The following ITPKB variants were observed in gnomAD, a reference collection of about 807,000 sequenced individuals.
The protein encoded by ITPKB is IP3 3-kinase B.
Under a neutral mutation model 69.4 loss-of-function variants are expected in ITPKB, and 13 were observed. That is an observed-to-expected ratio of 0.19 (90% confidence interval 0.12 to 0.30). ITPKB has a LOEUF of 0.30. Ranked by LOEUF, ITPKB falls within the 10% of genes least tolerant of loss-of-function variation. The pLI is 1.00. For synonymous variants in ITPKB, 584 were observed against 513.7 expected, an observed-to-expected ratio of 1.14 and a Z score of -1.85; for missense variants, 1,240 against 1,250.5, an observed-to-expected ratio of 0.99 and a Z score of 0.13.
At chr1:226,734,632 G>C (rs1006516955) in intron 2 of ITPKB, among the ~76,000 whole-genome samples, 1 of 152,194 alleles carries the variant, frequency 6.6e-6, no homozygotes, top group Non-Finnish European at 1.5e-5. Context: ...TATGTCTTCT[G>C]TAAGATACTC....
chr1:226,657,732 T>C (rs1370177285), intron 2 of ITPKB, among the ~76,000 whole-genome samples: 1 of 152,192 alleles, frequency 6.6e-6, no homozygotes, highest in Non-Finnish European at 1.5e-5. Context: ...TGAGAGGGGT[T>C]TAGTAACTTG....
intron 2 of ITPKB, chr1:226,657,022 G>A (rs1033946561): frequency 6.6e-6 from 1 of 152,224 alleles, no homozygotes; most frequent in African/African-American, 2.4e-5. Flanking sequence ...CACTTTCAGA[G>A]GGCCTGATCG....
rs374593738 is a variant in ITPKB at position 226,736,261 on chromosome 1, C to A, written c.1198G>T (p.Val400Leu). The change falls in exon 2 of 8, where the codon GTG becomes TTG. Residue 400 changes from valine (V) to leucine (L), a missense_variant. This residue lies in a region of ITPKB where 992 missense variants were observed against 853.8 expected (regional missense o/e 1.16). Coordinates refer to ENST00000429204, the MANE Select transcript of ITPKB (RefSeq NM_002221.4). The stretch of plus-strand genomic sequence containing the variant: ...GAATCAGAGGACTCTGCGCTTTGCA[C>A]GCTCACAGTCGTCTCCTCTGGCCTT... ...GKRPEETTVS[V>L]QSAESSDSLS... The A allele has an allele frequency of 6.4e-7, 1 of 1,571,604 alleles. No homozygotes were observed. Among genetic ancestry groups the A allele is most frequent in the Middle Eastern group, 1.7e-4 (1 of 5,812 alleles).
Position 226,736,172 on chromosome 1 carries a change from C to T in ITPKB, c.1287G>A (p.Gly429=), listed in dbSNP as rs1558102213. 1 of 1,551,166 alleles carries T rather than the reference C, an allele frequency of 6.4e-7. No individual in the cohort carries two copies. The highest frequency in any genetic ancestry group is 8.7e-7 in the Non-Finnish European group (1 of 1,149,358). ...GCCAACGCCCCCCGCCCACGGGGGC[C>T]CCACTTCGGGCCTCCTCAGGGCCTA... is the stretch of plus-strand genomic sequence containing the variant. ...ASVGPEEARS[G]APVGGGRWQL... is the part of the protein sequence containing the mutation. Residue 429 remains glycine, a synonymous_variant, in exon 2 of 8, where the codon GGG becomes GGA. Transcript: ENST00000429204.
At chr1:226,658,127 T>A (rs1669331152) in intron 2 of ITPKB, among the ~76,000 whole-genome samples, 1 of 152,244 alleles carries the variant, frequency 6.6e-6, no homozygotes, top group Non-Finnish European at 1.5e-5. Flanking sequence ...GTTTTCCATG[T>A]TTGGAAAAAA....
intron 4 of ITPKB, among the ~76,000 whole-genome samples, chr1:226,644,517 T>A (rs1347742835): frequency 1.3e-5 from 2 of 152,162 alleles, no homozygotes; most frequent in Non-Finnish European, 2.9e-5. Flanking sequence ...CTGGTCCCAA[T>A]GTCAGGAAGA....
At position 226,634,249 on chromosome 1, in the gene ITPKB, C is replaced by G. The variant is rs565342168; in HGVS notation, c.*422G>C. On this transcript the variant is annotated 3_prime_UTR_variant, in exon 8 of 8. Coordinates refer to ENST00000429204, the MANE Select transcript of ITPKB (RefSeq NM_002221.4). This position sits in a 1 kb window ranked among gnomAD's most constrained non-coding sequence, Gnocchi z 6.3. ...CCTGGGCTCTCCGGTGGGGAGGCCC[C>G]GGCAGAAATAAGGCTGTGCTTGGCA... is the stretch of plus-strand genomic sequence containing the variant. 3 of 158,772 alleles carry G rather than the reference C, an allele frequency of 1.9e-5. No homozygotes were observed. Among genetic ancestry groups the G allele is most frequent in the African/African-American group, 7.2e-5 (3 of 41,584 alleles). 9.8% of individuals were successfully genotyped at this position (158,772 alleles called of 1,614,324 possible).
intron 2 of ITPKB, among the ~76,000 whole-genome samples, chr1:226,697,752 G>A (rs1656528299): frequency 6.6e-6 from 1 of 152,230 alleles, no homozygotes; most frequent in South Asian, 2.1e-4. Flanking sequence ...TAGTGAAATA[G>A]ACAATTCTCT....
At chr1:226,695,868 G>A (rs1040975965) in intron 2 of ITPKB, among the ~76,000 whole-genome samples, 2 of 152,186 alleles carry the variant, frequency 1.3e-5, no homozygotes, top group East Asian at 1.9e-4. Flanking sequence ...AACCCAGGGG[G>A]CAAGACAGTA....
chr1:226,704,749 TCTAAAA>T (rs1656760926), intron 2 of ITPKB, among the ~76,000 whole-genome samples: 1 of 152,182 alleles, frequency 6.6e-6, no homozygotes, highest in East Asian at 1.9e-4. Context: ...CTGTGCCCAG[TCTAAAA>T]CTAAGAGGCT....
intron 2 of ITPKB, chr1:226,707,476 T>A: frequency 1.0e-6 from 1 of 952,970 alleles, no homozygotes; most frequent in Non-Finnish European, 1.2e-6. Context: ...GGATTACAGA[T>A]GTGAGCCACT....
At chr1:226,704,191 T>C (rs1271105066) in intron 2 of ITPKB, among the ~76,000 whole-genome samples, 2 of 152,140 alleles carry the variant, frequency 1.3e-5, no homozygotes, top group Non-Finnish European at 2.9e-5. Flanking sequence ...AAAGAGTGAC[T>C]ACGAAATAAA....
chr1:226,698,883 C>T (rs1239467564), intron 2 of ITPKB, among the ~76,000 whole-genome samples: 2 of 152,228 alleles, frequency 1.3e-5, no homozygotes, highest in South Asian at 4.1e-4. Context: ...ACCTGTTGCA[C>T]CTATTTGCTT....
Position 226,736,485 on chromosome 1 carries a change from T to G in ITPKB, c.974A>C (p.Glu325Ala). The change falls in exon 2 of 8, where the codon GAG (glutamate) becomes GCG (alanine). Residue 325 changes from glutamate (E) to alanine (A), a missense_variant. Transcript: ENST00000429204. ...AAGCTCACGGGCTCTCCCAGACGGCTCAGTGAGGGCAAGATCCTGTGGACG... is the reference window on the plus strand; with the variant it reads ...AAGCTCACGGGCTCTCCCAGACGGCGCAGTGAGGGCAAGATCCTGTGGACG... ...PHRPQDLALT[E>A]PSGRARELED... The G allele has an allele frequency of 6.2e-7, 1 of 1,613,926 alleles. No individual in the cohort carries two copies. Among genetic ancestry groups the G allele is most frequent in the East Asian group, 2.2e-5 (1 of 44,882 alleles).
chr1:226,648,558 G>A lies in ITPKB; in HGVS notation c.2032+114C>T, dbSNP rs530276080. ...CAAGTGTGGCTGTGATTTCAGACTA[G>A]AAAGTCTTGGAGGGAACTTGCTCTG... On this transcript the variant is annotated intron_variant, in intron 3 of 7. Coordinates refer to ENST00000429204, the MANE Select transcript of ITPKB (RefSeq NM_002221.4). 870 of 733,482 alleles carry A rather than the reference G, an allele frequency of 1.2e-3. 3 individuals carry two copies. The highest frequency in any genetic ancestry group is 3.8e-3 in the Middle Eastern group (11 of 2,880). 45.4% of individuals were successfully genotyped at this position (733,482 alleles called of 1,614,324 possible). A position where few individuals can be genotyped will look rare whatever the true frequency, so the allele number is the denominator to read the frequency against.
At chr1:226,677,973 G>A (rs1245131480) in intron 2 of ITPKB, among the ~76,000 whole-genome samples, 1 of 152,092 alleles carries the variant, frequency 6.6e-6, no homozygotes, top group African/African-American at 2.4e-5. Flanking sequence ...TATTTCGCGT[G>A]CATTATTTAA....
intron 2 of ITPKB, chr1:226,707,965 A>C (rs559764870): frequency 8.3e-7 from 1 of 1,202,448 alleles, no homozygotes; most frequent in South Asian, 1.3e-5. Flanking sequence ...TCATGGCTGC[A>C]TATGGCAATA....
intron 2 of ITPKB, among the ~76,000 whole-genome samples, chr1:226,728,550 G>A (rs920598999): frequency 6.6e-5 from 10 of 152,164 alleles, no homozygotes; most frequent in African/African-American, 1.7e-4. Context: ...CAAACGTGTC[G>A]TGGTTGACCT....
At chr1:226,675,231 G>A (rs1279911933) in intron 2 of ITPKB, among the ~76,000 whole-genome samples, 3 of 151,936 alleles carry the variant, frequency 2.0e-5, no homozygotes, top group Non-Finnish European at 2.9e-5. Context: ...TGAGGAGGAA[G>A]TGGTTGCTAT....
Sources: gnomAD v4.1 joint callset for allele counts (sites outside exome capture counted in the v4.1 genomes callset) on GRCh38, gnomAD v4.1.1 for gene constraint, gnomAD v4.1.1 regional missense constraint, Gnocchi (gnomAD v3.1) non-coding constraint, MANE v1.5 for transcripts, NCBI Gene and HGNC (gene_info 2026-07-23, HGNC 2026-07-21) for gene names.